Variants in TRPM3 observed in about 807,000 individuals in gnomAD.
TRPM3 encodes long transient receptor potential channel 3.
A neutral mutation model predicts 181.2 loss-of-function variants in TRPM3; 77 were observed. The observed-to-expected ratio is 0.42, with a 90% CI of 0.35 to 0.51. The LOEUF (loss-of-function observed/expected upper bound fraction) is 0.51, where lower values mean the gene tolerates loss of function less well. Among genes scored for constraint, TRPM3 ranks in the 20% least tolerant of loss-of-function variants. The probability of loss-of-function intolerance (pLI) is 0.01; values close to 1 mark genes in which losing one functional copy is unlikely to be tolerated. For synonymous variants in TRPM3, 745 were observed against 796.4 expected (o/e 0.94, Z 1.09); for missense variants, 1,759 against 2,196.7 (o/e 0.80, Z 3.98).
intron 1 of TRPM3, among the ~76,000 whole-genome samples, chr9:71,239,099 A>G (rs2081525061): frequency 6.6e-6 from 1 of 152,184 alleles, no homozygotes; most frequent in Non-Finnish European, 1.5e-5. Flanking sequence ...AAAAAAAAAC[A>G]GCATTTTAAA....
At chr9:71,343,069 T>C (rs1337105650) in intron 1 of TRPM3, among the ~76,000 whole-genome samples, 1 of 152,040 alleles carries the variant, frequency 6.6e-6, no homozygotes, top group Non-Finnish European at 1.5e-5. Flanking sequence ...CAGAGAATTA[T>C]ATAGGTTTTC....
At chr9:70,963,350 G>A (rs578064426) in intron 1 of TRPM3, among the ~76,000 whole-genome samples, 1 of 152,282 alleles carries the variant, frequency 6.6e-6, no homozygotes, top group African/African-American at 2.4e-5. Flanking sequence ...TTCAGTAAAA[G>A]CAGCTAGACA....
intron 1 of TRPM3, among the ~76,000 whole-genome samples, chr9:71,283,397 C>T (rs1268713588): frequency 1.3e-5 from 2 of 152,016 alleles, no homozygotes; most frequent in African/African-American, 2.4e-5. Context: ...CCCGGGTTCA[C>T]GCCATTCTCC....
chr9:70,949,495 G>A (rs2096973011), intron 1 of TRPM3, among the ~76,000 whole-genome samples: 1 of 152,040 alleles, frequency 6.6e-6, no homozygotes. Context: ...GACTGGCAAG[G>A]GCAAGATCCC....
At chr9:71,319,601 T>TC (rs1350880807) in intron 1 of TRPM3, among the ~76,000 whole-genome samples, 1 of 152,156 alleles carries the variant, frequency 6.6e-6, no homozygotes, top group Non-Finnish European at 1.5e-5. Context: ...GGAAATGCCC[T>TC]CATAGACATA....
chr9:71,114,738 C>T (rs1032082981), intron 1 of TRPM3, among the ~76,000 whole-genome samples: 1 of 152,152 alleles, frequency 6.6e-6, no homozygotes, highest in Non-Finnish European at 1.5e-5. Context: ...AAGGGACATG[C>T]CCTTGAGTGA....
chr9:71,022,811 T>C (rs757174582), intron 1 of TRPM3, among the ~76,000 whole-genome samples: 1 of 152,144 alleles, frequency 6.6e-6, no homozygotes, highest in Non-Finnish European at 1.5e-5. Flanking sequence ...GTTCTGCACA[T>C]GTATCCCAGA....
intron 1 of TRPM3, among the ~76,000 whole-genome samples, chr9:71,142,895 T>C (rs548230935): frequency 4.0e-5 from 6 of 151,686 alleles, no homozygotes; most frequent in Admixed American, 6.6e-5. Context: ...GGAGAATCAC[T>C]TGAGCCCAGG....
At chr9:70,854,752 G>A (rs534733251) in intron 3 of TRPM3, among the ~76,000 whole-genome samples, 5 of 152,198 alleles carry the variant, frequency 3.3e-5, no homozygotes, top group Admixed American at 2.0e-4. Flanking sequence ...TGTCATTAGC[G>A]TCACTGCCTG....
intron 1 of TRPM3, among the ~76,000 whole-genome samples, chr9:70,991,949 AT>A (rs2097490566): frequency 6.6e-6 from 1 of 152,076 alleles, no homozygotes; most frequent in East Asian, 1.9e-4. Context: ...CTGCTGGTAA[AT>A]CCTACTTATC....
chr9:71,069,222 C>T (rs942858727), intron 1 of TRPM3, among the ~76,000 whole-genome samples: 3 of 152,180 alleles, frequency 2.0e-5, no homozygotes, highest in South Asian at 2.1e-4. Context: ...CTCACTGTGT[C>T]GACAGGCTGG....
chr9:71,134,666 A>G (rs181431647), intron 1 of TRPM3, among the ~76,000 whole-genome samples: 85 of 152,310 alleles, frequency 5.6e-4, no homozygotes, highest in African/African-American at 2.0e-3. Context: ...TCAATCCTGC[A>G]TAATTCAATG....
chr9:71,274,328 T>G lies in TRPM3; in HGVS notation c.183+172325A>C, dbSNP rs566227866. 9.8e-5 allele frequency among the ~76,000 whole-genome samples: 15 copies of G among 152,326 alleles called. No homozygotes were observed. The South Asian group carries it at 1.7e-3, about 17-fold the overall frequency. On this transcript the variant is annotated intron_variant, in intron 1 of 24. Coordinates refer to the TRPM3 transcript ENST00000357533. The stretch of plus-strand genomic sequence containing the variant: ...TTTGTTTGTCATGGAACTTAGTGGT[T>G]TTACTGGGTAAGACTTAAGAGGCTC...
intron 1 of TRPM3, among the ~76,000 whole-genome samples, chr9:71,369,000 T>G (rs1251970345): frequency 1.3e-5 from 2 of 152,046 alleles, no homozygotes; most frequent in African/African-American, 4.8e-5. Context: ...AAGACATACA[T>G]GTAGGATGCA....
At chr9:70,585,901 G>A (rs150204238) in intron 22 of TRPM3, among the ~76,000 whole-genome samples, 7 of 152,196 alleles carry the variant, frequency 4.6e-5, no homozygotes, top group East Asian at 1.9e-4. Context: ...TCTGTACCCC[G>A]TCTGTCTCCT....
At chr9:71,328,264 C>T (rs941609585) in intron 1 of TRPM3, among the ~76,000 whole-genome samples, 2 of 152,034 alleles carry the variant, frequency 1.3e-5, no homozygotes, top group Admixed American at 6.6e-5. Flanking sequence ...CCCGGGTTCA[C>T]GCCATTCTCC....
chr9:71,053,789 T>C (rs2060335804), intron 1 of TRPM3, among the ~76,000 whole-genome samples: 1 of 152,080 alleles, frequency 6.6e-6, no homozygotes, highest in Non-Finnish European at 1.5e-5. Context: ...ATGCAATGAC[T>C]GAGATTTTTC....
chr9:71,306,997 G>A (rs1205923812), intron 1 of TRPM3, among the ~76,000 whole-genome samples: 1 of 152,198 alleles, frequency 6.6e-6, no homozygotes, highest in Non-Finnish European at 1.5e-5. Flanking sequence ...ACACTTCATA[G>A]ATTACTCACT....
At chr9:71,199,408 T>C (rs1156332191) in intron 1 of TRPM3, among the ~76,000 whole-genome samples, 2 of 152,270 alleles carry the variant, frequency 1.3e-5, no homozygotes, top group African/African-American at 4.8e-5. Flanking sequence ...AGGGAGGATT[T>C]CCTCTTTTTC....
Sources: allele counts gnomAD v4.1 joint callset (sites outside exome capture counted in the v4.1 genomes callset), GRCh38; gene constraint gnomAD v4.1.1; transcripts MANE v1.5; gene names NCBI Gene and HGNC (gene_info 2026-07-23, HGNC 2026-07-21).